BGN: variants seen among roughly 807,000 people sequenced by gnomAD.
The protein encoded by BGN is bone/cartilage proteoglycan-I.
A neutral mutation model predicts 20.0 loss-of-function variants in BGN; 6 were observed. That is an observed-to-expected ratio of 0.30 (90% CI 0.16 to 0.59). The LOEUF (loss-of-function observed/expected upper bound fraction) is 0.59, where lower values mean the gene tolerates loss of function less well. BGN is among the 20% of genes least tolerant of loss of function. The pLI is 0.88. For synonymous variants in BGN, 146 were observed against 134.6 expected (o/e 1.08, Z -0.59); for missense variants, 292 against 312.1 (o/e 0.94, Z 0.49).
At chrX:153,501,014 G>A (rs966164303) in intron 1 of BGN, among the ~76,000 whole-genome samples, 1 of 111,662 alleles carries the variant, frequency 9.0e-6, no homozygotes, top group African/African-American at 3.3e-5. Flanking sequence ...GTGTGTATAG[G>A]TGTGTGCACG....
chrX:153,502,018 G>A (rs1556991995), intron 1 of BGN, among the ~76,000 whole-genome samples: 1 of 112,616 alleles, frequency 8.9e-6, no homozygotes, highest in Non-Finnish European at 1.9e-5. Flanking sequence ...CCCTGTGCCT[G>A]TGCCCCCTGC....
chrX:153,499,683 G>T (rs782774312), intron 1 of BGN, among the ~76,000 whole-genome samples: 1 of 113,243 alleles, frequency 8.8e-6, no homozygotes, highest in Non-Finnish European at 1.9e-5. Flanking sequence ...GAACGCACAC[G>T]CCGGGCTTTG....
intron 1 of BGN, among the ~76,000 whole-genome samples, chrX:153,499,461 C>T (rs1293036764): frequency 1.8e-5 from 2 of 112,992 alleles, no homozygotes; most frequent in Admixed American, 9.3e-5. Flanking sequence ...CCACCCTTGT[C>T]GCCACCCTGC....
intron 1 of BGN, among the ~76,000 whole-genome samples, chrX:153,497,373 G>C (rs1318819463): frequency 9.1e-6 from 1 of 109,721 alleles, no homozygotes; most frequent in Non-Finnish European, 1.9e-5. Context: ...GGTGGGCACC[G>C]GCTCCCTCGG....
At chrX:153,498,926 G>A (rs1397244482) in intron 1 of BGN, among the ~76,000 whole-genome samples, 2 of 112,012 alleles carry the variant, frequency 1.8e-5, no homozygotes, top group Non-Finnish European at 3.8e-5. Flanking sequence ...GCACAGCCCC[G>A]AGAGTGTGAA....
intron 1 of BGN, among the ~76,000 whole-genome samples, chrX:153,500,069 A>G (rs2089745999): frequency 1.8e-5 from 2 of 113,393 alleles, no homozygotes; most frequent in Non-Finnish European, 3.7e-5. Context: ...AGGGCCCGCC[A>G]GACCTCAAGC....
chrX:153,508,283 G>T lies in BGN; in HGVS notation c.945G>T (p.Val315=). 8.3e-7 allele frequency: 1 copy of T among 1,212,115 alleles called. No homozygotes were observed. Among genetic ancestry groups the T allele is most frequent in the Non-Finnish European group, 1.1e-6 (1 of 895,587 alleles). The change falls in exon 8 of 8, where the codon GTG becomes GTT. Residue 315 remains valine, a synonymous_variant. Transcript: ENST00000331595. The part of the protein sequence containing the change: ...VYLHSNNITK[V]GVNDFCPMGF... ...TGCACTCCAACAACATCACCAAAGTGGGTGTCAACGACTTCTGTCCCATGG... is the reference window on the plus strand; with the variant it reads ...TGCACTCCAACAACATCACCAAAGTTGGTGTCAACGACTTCTGTCCCATGG...
Position 153,505,980 on chromosome X carries a change from C to G in BGN, c.469C>G (p.Leu157Val), listed in dbSNP as rs782693164. ...CCACCTGGTGGAGATCCCGCCCAAC[C>G]TACCCAGCTCCCTGGTGGAGCTCCG... ...KNHLVEIPPNLPSSLVELRIH... is the reference protein window; with the variant it reads ...KNHLVEIPPNVPSSLVELRIH... Residue 157 changes from leucine (L) to valine (V), a missense_variant, in exon 4 of 8, where the codon CTA (leucine) becomes GTA (valine). Leu to Val is a conservative substitution (Grantham distance 32). Coordinates refer to ENST00000331595, the MANE Select transcript of BGN (RefSeq NM_001711.6). 1 of 1,211,819 alleles carries G rather than the reference C, an allele frequency of 8.3e-7. No homozygotes were observed. Among genetic ancestry groups the G allele is most frequent in the South Asian group, 1.8e-5 (1 of 56,999 alleles).
intron 1 of BGN, among the ~76,000 whole-genome samples, chrX:153,499,721 T>C (rs1159272879): frequency 8.9e-6 from 1 of 112,856 alleles, no homozygotes. Context: ...ACACATCCCC[T>C]CTCTGGTTGA....
At chrX:153,497,879 G>A (rs1004088860) in intron 1 of BGN, among the ~76,000 whole-genome samples, 5 of 112,340 alleles carry the variant, frequency 4.5e-5, no homozygotes, top group Non-Finnish European at 9.4e-5. Context: ...TCGCTGTTTC[G>A]CTGTTTGCCT....
chrX:153,506,493 C>CA lies in BGN; in HGVS notation c.566-35dup, dbSNP rs782574567. 3 of 1,169,802 alleles carry CA rather than the reference C, an allele frequency of 2.6e-6. No individual in the cohort carries two copies. The South Asian group carries it at 5.6e-5, about 22-fold the overall frequency. The stretch of plus-strand genomic sequence containing the variant: ...ACAGGACCCAGGGCTGTGCAGGGAC[C>CA]ACCAGGCTCCCGGGCTAATGAGGTC... On this transcript the variant is annotated intron_variant, in intron 4 of 7. Coordinates refer to ENST00000331595, the MANE Select transcript of BGN (RefSeq NM_001711.6).
intron 1 of BGN, chrX:153,495,481 A>G (rs2089705664): frequency 8.9e-6 from 1 of 111,980 alleles, no homozygotes; most frequent in Admixed American, 9.3e-5. Context: ...AGCTTTGCCA[A>G]TGGCCCTGTT....
intron 1 of BGN, among the ~76,000 whole-genome samples, chrX:153,500,834 C>T (rs782226116): frequency 9.4e-6 from 1 of 106,305 alleles, no homozygotes; most frequent in Non-Finnish European, 1.9e-5. Context: ...TACATGCATG[C>T]ATGTGCGCAT....
At position 153,508,563 on chromosome X, in the gene BGN, C is replaced by A. The variant is rs1169796683; in HGVS notation, c.*118C>A. ...AGGGCCCAGCTGCGTCCAACCCAGCCCCCCACCTCGGGTCCCTGACCCCAG... is the reference window on the plus strand; with the variant it reads ...AGGGCCCAGCTGCGTCCAACCCAGCACCCCACCTCGGGTCCCTGACCCCAG... On this transcript the variant is annotated 3_prime_UTR_variant, in exon 8 of 8. Transcript: ENST00000331595. 2 of 881,593 alleles carry A rather than the reference C, an allele frequency of 2.3e-6. No homozygotes were observed. Among genetic ancestry groups the A allele is most frequent in the East Asian group, 3.4e-5 (1 of 29,352 alleles). The allele number at this position is 881,593 out of a possible 1,213,427, so 72.7% of individuals were successfully genotyped here. A position where few individuals can be genotyped will look rare whatever the true frequency, so the allele number is the denominator to read the frequency against.
intron 3 of BGN, among the ~76,000 whole-genome samples, chrX:153,505,606 C>T (rs1247322639): frequency 8.9e-6 from 1 of 112,182 alleles, no homozygotes; most frequent in Non-Finnish European, 1.9e-5. Flanking sequence ...CCACTCCTCC[C>T]AGCAACAGAG....
At chrX:153,505,622 C>T (rs1200274595) in intron 3 of BGN, among the ~76,000 whole-genome samples, 3 of 112,179 alleles carry the variant, frequency 2.7e-5, no homozygotes, top group African/African-American at 9.7e-5. Context: ...CAGAGGAGAA[C>T]GGATTTCATT....
Position 153,508,968 on chromosome X carries a change from A to C in BGN, c.*523A>C. 2 of 117,562 alleles carry C rather than the reference A, an allele frequency of 1.7e-5. No individual in the cohort carries two copies. The highest frequency in any genetic ancestry group is 1.7e-5 in the Non-Finnish European group (1 of 59,143). 9.7% of individuals were successfully genotyped at this position (117,562 alleles called of 1,213,427 possible). On this transcript the variant is annotated 3_prime_UTR_variant, in exon 8 of 8. Transcript: ENST00000331595. ...CAAGTTCATGGCCTGTCCCTCCCAGACCCCTGCTCCACTGGCCCTTCGACC... is the reference window on the plus strand; with the variant it reads ...CAAGTTCATGGCCTGTCCCTCCCAGCCCCCTGCTCCACTGGCCCTTCGACC...
intron 1 of BGN, among the ~76,000 whole-genome samples, chrX:153,498,900 T>C (rs1441148744): frequency 5.4e-5 from 6 of 112,108 alleles, no homozygotes; most frequent in Admixed American, 4.7e-4. Context: ...GGGCCATGCT[T>C]CCAGGGGAGC....
chrX:153,507,516 G>C (rs1421157400), intron 7 of BGN, among the ~76,000 whole-genome samples: 1 of 112,842 alleles, frequency 8.9e-6, no homozygotes, highest in African/African-American at 3.2e-5. Context: ...CCCAGGGCAG[G>C]AAGTAGGCTG....
Sources: allele counts gnomAD v4.1 joint callset (sites outside exome capture counted in the v4.1 genomes callset), GRCh38; gene constraint gnomAD v4.1.1; transcripts MANE v1.5; gene names NCBI Gene and HGNC (gene_info 2026-07-23, HGNC 2026-07-21).